Variants in DNAJC18 observed in about 807,000 individuals in gnomAD.
The protein encoded by DNAJC18 is dnaJ homolog subfamily C member 18.
Under a neutral mutation model 48.6 loss-of-function variants are expected in DNAJC18, and 40 were observed. The observed-to-expected ratio is 0.82, with a 90% CI of 0.64 to 1.07. DNAJC18 has a LOEUF of 1.07. Among genes scored for constraint, DNAJC18 ranks in the 50% least tolerant of loss-of-function variants. The pLI is 0.00. For synonymous variants in DNAJC18, 135 were observed against 152.2 expected, an observed-to-expected ratio of 0.89 and a Z score of 0.83; for missense variants, 340 against 427.7, an observed-to-expected ratio of 0.79 and a Z score of 1.81.
Position 139,414,154 on chromosome 5 carries a change from A to C in DNAJC18, c.1071T>G (p.Gly357=), listed in dbSNP as rs142551383. The part of the protein sequence containing the change: ...KLSKLIGLRR[G]G ...GCGTAGGACCATTATCCTCTCAGCC[A>C]CCTCTGCGTAGGCCAATGAGTTTGG... Residue 357 remains glycine, a synonymous_variant, in exon 8 of 8, where the codon GGT becomes GGG. Coordinates refer to ENST00000302060, the MANE Select transcript of DNAJC18 (RefSeq NM_152686.4). 2,028 of 1,613,216 alleles carry C rather than the reference A, an allele frequency of 1.3e-3. 3 individuals are homozygous for C. The highest frequency in any genetic ancestry group is 2.2e-3 in the Admixed American group (130 of 59,778).
chr5:139,415,609 C>T (rs1759059470), intron 7 of DNAJC18, among the ~76,000 whole-genome samples: 1 of 152,208 alleles, frequency 6.6e-6, no homozygotes, highest in Non-Finnish European at 1.5e-5. Context: ...CACAGTCACC[C>T]TTGCAGGTGA....
rs757624685 is a variant in DNAJC18, at chr5:139,420,139, C to G, written c.866G>C (p.Gly289Ala). The change falls in exon 7 of 8, where the codon GGA (glycine) becomes GCA (alanine). Residue 289 changes from glycine to alanine, a missense_variant. Transcript: ENST00000302060. The stretch of plus-strand genomic sequence containing the variant: ...TTTCTCCAAGTCATGCAGAGAAGCT[C>G]CTCTGTAGGCCTTGTCAAAGTTTTT... The part of the protein sequence containing the change: ...VDKNFDKAYR[G>A]ASLHDLEKTI... 1.6e-5 allele frequency: 26 copies of G among 1,610,884 alleles called. No homozygotes were observed. The highest frequency in any genetic ancestry group is 2.1e-5 in the Non-Finnish European group (25 of 1,179,114).
Position 139,421,966 on chromosome 5 carries a change from T to A in DNAJC18, c.779+742A>T, listed in dbSNP as rs575578199. ...TTTCCCACTAAATTATAATAATGAA[T>A]AATAATTTATTATTCATTATTAACA... On this transcript the variant is annotated intron_variant, in intron 6 of 7. Coordinates refer to ENST00000302060, the MANE Select transcript of DNAJC18 (RefSeq NM_152686.4). Among the ~76,000 whole-genome samples, 198 of 152,306 alleles carry A rather than the reference T, an allele frequency of 1.3e-3. 1 individual carries two copies. The highest frequency in any genetic ancestry group is 4.5e-3 in the African/African-American group (187 of 41,572).
intron 6 of DNAJC18, 98 bp from the exon 7 acceptor site, chr5:139,420,323 A>AT: frequency 2.3e-5 from 27 of 1,196,464 alleles, no homozygotes; most frequent in Non-Finnish European, 2.9e-5. Flanking sequence ...ATCTGCTCAT[A>AT]GAGCAGAGGC....
intron 2 of DNAJC18, among the ~76,000 whole-genome samples, chr5:139,432,453 G>A (rs778037789): frequency 9.2e-5 from 14 of 151,966 alleles, no homozygotes; most frequent in Non-Finnish European, 1.6e-4. Flanking sequence ...GTGAGCCACC[G>A]CGCCTGGCCA....
At chr5:139,420,428 A>T (rs1470556501) in intron 6 of DNAJC18, 1 of 530,890 alleles carries the variant, frequency 1.9e-6, no homozygotes, top group African/African-American at 2.0e-5. Flanking sequence ...GCAAGTTCAT[A>T]CTATGAATTC....
chr5:139,431,410 A>G (rs977905261), intron 2 of DNAJC18, among the ~76,000 whole-genome samples: 5 of 151,994 alleles, frequency 3.3e-5, no homozygotes, highest in African/African-American at 1.2e-4. Flanking sequence ...TTTCCCCTCT[A>G]TAGATTTGCT....
intron 2 of DNAJC18, among the ~76,000 whole-genome samples, chr5:139,434,253 T>C (rs1759375219): frequency 6.6e-6 from 1 of 152,220 alleles, no homozygotes; most frequent in Non-Finnish European, 1.5e-5. Flanking sequence ...TAAAAATCCA[T>C]GGTTCAAACT....
intron 2 of DNAJC18, among the ~76,000 whole-genome samples, chr5:139,429,762 G>T (rs1759300922): frequency 6.6e-6 from 1 of 151,942 alleles, no homozygotes; most frequent in Non-Finnish European, 1.5e-5. Context: ...CTATCTCTAT[G>T]AAAAATTTTA....
chr5:139,420,539 T>C (rs1182715032), intron 6 of DNAJC18, among the ~76,000 whole-genome samples: 1 of 148,324 alleles, frequency 6.7e-6, no homozygotes, highest in Non-Finnish European at 1.5e-5. Context: ...AATTTTTACG[T>C]TGTGTAGGAT....
rs574922614 is a variant in DNAJC18, at chr5:139,420,308, T to G, written c.780-83A>C. On this transcript the variant is annotated intron_variant, in intron 6 of 7. Coordinates refer to ENST00000302060, the MANE Select transcript of DNAJC18 (RefSeq NM_152686.4). ...AGCACTGCCCTCACAGATATCATCA[T>G]CATCATCTGCTCATAGAGCAGAGGC... is the stretch of plus-strand genomic sequence containing the variant. 23 of 1,330,812 alleles carry G rather than the reference T, an allele frequency of 1.7e-5. No homozygotes were observed. In the African/African-American group the frequency reaches 3.5e-4, roughly 20 times the overall value. 82.4% of individuals were successfully genotyped at this position (1,330,812 alleles called of 1,614,324 possible). A position where few individuals can be genotyped will look rare whatever the true frequency, so the allele number is the denominator to read the frequency against.
At chr5:139,419,058 G>C (rs552698332) in intron 7 of DNAJC18, 1 of 422,578 alleles carries the variant, frequency 2.4e-6, no homozygotes, top group Non-Finnish European at 4.7e-6. Flanking sequence ...TGACTGAAGA[G>C]CTAATTTTAT....
intron 1 of DNAJC18, among the ~76,000 whole-genome samples, chr5:139,438,007 T>C (rs1750708747): frequency 6.6e-6 from 1 of 152,148 alleles, no homozygotes; most frequent in Admixed American, 6.5e-5. Context: ...TCAATACAAA[T>C]TCGTAAACTT....
At chr5:139,429,144 C>T (rs564181694) in intron 2 of DNAJC18, among the ~76,000 whole-genome samples, 2 of 135,818 alleles carry the variant, frequency 1.5e-5, no homozygotes, top group South Asian at 2.3e-4. Flanking sequence ...AGTGCAATGG[C>T]GCGATCTCAG....
At chr5:139,424,903 G>A in intron 5 of DNAJC18, 102 bp downstream of exon 5, 6 of 998,348 alleles carry the variant, frequency 6.0e-6, no homozygotes, top group Non-Finnish European at 7.7e-6. Flanking sequence ...CTTTCCTAAA[G>A]CAACATATCT....
chr5:139,422,644 C>A, intron 6 of DNAJC18, 64 bp downstream of exon 6: 1 of 1,241,378 alleles, frequency 8.1e-7, no homozygotes, highest in South Asian at 1.3e-5. Flanking sequence ...AATGTATCAG[C>A]AAAACCTTCA....
chr5:139,437,288 T>A (rs1269303186), intron 2 of DNAJC18, 84 bp downstream of exon 2: 39 of 1,439,536 alleles, frequency 2.7e-5, no homozygotes, highest in Middle Eastern at 1.8e-4. Flanking sequence ...ATCATTATCA[T>A]CAGTCAATAC....
intron 6 of DNAJC18, among the ~76,000 whole-genome samples, chr5:139,421,613 C>T (rs746243707): frequency 6.6e-6 from 1 of 152,148 alleles, no homozygotes; most frequent in Non-Finnish European, 1.5e-5. Context: ...TGAGACCAGC[C>T]TGGCCAACAT....
rs199907887 is a variant in DNAJC18, at chr5:139,435,730, T to C, written c.227+1642A>G. 5.8e-4 allele frequency among the ~76,000 whole-genome samples: 77 copies of C among 131,914 alleles called. No individual in the cohort carries two copies. The East Asian group carries it at 1.0e-2, about 17-fold the overall frequency. 86.5% of individuals were successfully genotyped at this position (131,914 alleles called of 152,430 possible). On this transcript the variant is annotated intron_variant, in intron 2 of 7. Coordinates refer to ENST00000302060, the MANE Select transcript of DNAJC18 (RefSeq NM_152686.4). ...GTTTTTTTTTTTTTTTTTTTTTTTTTTTCAGACAAGGTCTCCCTCTGTCAC... is the reference window on the plus strand; with the variant it reads ...GTTTTTTTTTTTTTTTTTTTTTTTTCTTCAGACAAGGTCTCCCTCTGTCAC...
Sources: gnomAD v4.1 joint callset for allele counts (sites outside exome capture counted in the v4.1 genomes callset) on GRCh38, gnomAD v4.1.1 for gene constraint, MANE v1.5 for transcripts, NCBI Gene and HGNC (gene_info 2026-07-23, HGNC 2026-07-21) for gene names.